The following OSMR variants were observed in gnomAD, a reference collection of about 807,000 sequenced individuals.
OSMR encodes the protein oncostatin-M-specific receptor subunit beta.
In OSMR, 81 loss-of-function variants were observed where a neutral mutation model predicts 99.9. That is an observed-to-expected ratio of 0.81 (90% CI 0.68 to 0.97). The LOEUF is 0.97. OSMR is among the 50% of genes least tolerant of loss of function. The probability of loss-of-function intolerance (pLI) is 0.00; values close to 1 mark genes in which losing one functional copy is unlikely to be tolerated. For missense variants in OSMR, 1,099 were observed against 1,153.4 expected (o/e 0.95, Z 0.68); for synonymous variants, 406 against 410.4 (o/e 0.99, Z 0.13).
intron 1 of OSMR, among the ~76,000 whole-genome samples, chr5:38,860,529 C>A (rs529605693): frequency 3.3e-5 from 5 of 152,008 alleles, no homozygotes; most frequent in African/African-American, 1.2e-4. Context: ...CTATATTTTT[C>A]TTTTTTTGTG....
downstream of OSMR, chr5:38,937,798 C>T (rs887979094): frequency 6.0e-6 from 1 of 167,384 alleles, no homozygotes; most frequent in African/African-American, 2.4e-5. The surrounding 1 kb of genome is among the most constrained non-coding windows in gnomAD (Gnocchi z 4.0). Flanking sequence ...CTCTACATGT[C>T]TGTGGTACCT....
At chr5:38,937,642 T>C (rs1747119909), downstream of OSMR, among the ~76,000 whole-genome samples, 1 of 152,250 alleles carries the variant, frequency 6.6e-6, no homozygotes, top group South Asian at 2.1e-4. The surrounding 1 kb of genome is among the most constrained non-coding windows in gnomAD (Gnocchi z 4.0). Flanking sequence ...ACTCATATTG[T>C]ACATTATTTC....
At chr5:38,868,897 T>C in intron 1 of OSMR, 135 bp from the exon 2 acceptor site, 2 of 1,036,440 alleles carry the variant, frequency 1.9e-6, no homozygotes, top group Non-Finnish European at 2.8e-6. Context: ...TAAAGTACCA[T>C]GACAAGAGGC....
At chr5:38,892,132 A>G (rs970609410) in intron 7 of OSMR, among the ~76,000 whole-genome samples, 1 of 152,166 alleles carries the variant, frequency 6.6e-6, no homozygotes, top group Non-Finnish European at 1.5e-5. Context: ...GATGGGAGGA[A>G]GCAGGAGCAT....
chr5:38,944,802 T>C (rs924977283), intron 2 of OSMR: 1 of 1,085,014 alleles, frequency 9.2e-7, no homozygotes, highest in Non-Finnish European at 1.4e-6. Context: ...AAAATGGACG[T>C]ATTACTGTTT....
intron 7 of OSMR, among the ~76,000 whole-genome samples, chr5:38,897,969 CT>C (rs1454588238): frequency 6.6e-6 from 1 of 152,022 alleles, no homozygotes; most frequent in Non-Finnish European, 1.5e-5. Flanking sequence ...GAGAAGATGC[CT>C]GATATTATTT....
At chr5:38,932,083 C>G in intron 16 of OSMR, 119 bp downstream of exon 16, 1 of 847,226 alleles carries the variant, frequency 1.2e-6, no homozygotes, top group Non-Finnish European at 2.0e-6. Context: ...AGGAAAAGAA[C>G]AAAGGAGGCT....
intron 7 of OSMR, among the ~76,000 whole-genome samples, chr5:38,890,602 C>CTTTTTTTTTTTTTTT (rs58375870): frequency 7.1e-6 from 1 of 140,098 alleles, no homozygotes. Flanking sequence ...AAAGCCCCCT[C>CTTTTTTTTTTTTTTT]TTTTTTTTTT....
chr5:38,917,570 G>C lies in OSMR; in HGVS notation c.1310G>C (p.Trp437Ser). ...EAAPSEAPDV[W>S]RIVSLEPGNH... The stretch of plus-strand genomic sequence containing the variant: ...GCTCCCTCAGAGGCCCCTGATGTCT[G>C]GAGAATTGTGAGCTTGGAGCCAGGA... The change falls in exon 10 of 18, where the codon TGG (tryptophan) becomes TCG (serine). Residue 437 changes from tryptophan to serine, a missense_variant. Trp to Ser is a radical substitution (Grantham distance 177). Transcript: ENST00000274276. 1.2e-6 allele frequency: 2 copies of C among 1,613,690 alleles called. No individual in the cohort carries two copies. Among genetic ancestry groups the C allele is most frequent in the Non-Finnish European group, 1.7e-6 (2 of 1,179,652 alleles).
intron 3 of OSMR, among the ~76,000 whole-genome samples, chr5:38,878,780 A>G (rs1443467725): frequency 1.3e-5 from 2 of 152,266 alleles, no homozygotes; most frequent in Non-Finnish European, 2.9e-5. Context: ...AATGAATTGC[A>G]GTACTTAAGG....
In OSMR at chr5:38,903,948, G is replaced by A. The variant is rs375271373; in HGVS notation, c.1058G>A (p.Trp353Ter). Residue 353 changes from tryptophan (W) to a stop codon, truncating the protein, a stop_gained, in exon 8 of 18, where the codon TGG (tryptophan) becomes TAG (stop). Coordinates refer to ENST00000274276, the MANE Select transcript of OSMR (RefSeq NM_003999.3). LOFTEE classifies it high-confidence loss of function. ...AATGCCACAAATGCCATCATGACCT[G>A]GAAGGTGCACTCCATAAGGAATAAT... ...NVNATNAIMT[W>*]KVHSIRNNFT... 1.8e-5 allele frequency: 29 copies of A among 1,613,718 alleles called. No homozygotes were observed. The highest frequency in any genetic ancestry group is 6.7e-5 in the East Asian group (3 of 44,856).
At chr5:38,874,324 A>G (rs922387533) in intron 2 of OSMR, among the ~76,000 whole-genome samples, 8 of 152,164 alleles carry the variant, frequency 5.3e-5, no homozygotes, top group African/African-American at 1.9e-4. Context: ...CTGAGATTAT[A>G]GTTATCACCC....
chr5:38,861,818 C>T (rs1291242713), intron 1 of OSMR, among the ~76,000 whole-genome samples: 10 of 143,836 alleles, frequency 7.0e-5, no homozygotes, highest in South Asian at 2.2e-4. Flanking sequence ...CCAGTAGGGG[C>T]GGCTGGGCAG....
chr5:38,876,471 T>C (rs357271), intron 3 of OSMR, 98 bp downstream of exon 3: 921,232 of 962,246 alleles, frequency 0.96, 441,175 homozygotes, highest in African/African-American at 0.99. Context: ...GTTTTGGAAA[T>C]ATATTAGCAG....
rs1561416856 is a variant in OSMR at position 38,933,223 on chromosome 5, G to C, written c.2719G>C (p.Glu907Gln). Residue 907 changes from glutamate to glutamine, a missense_variant, in exon 18 of 18, where the codon GAA (glutamate) becomes CAA (glutamine). Coordinates refer to ENST00000274276, the MANE Select transcript of OSMR (RefSeq NM_003999.3). ...LEKNYMNSLGEIPAGETSLNY... is the reference protein window; with the variant it reads ...LEKNYMNSLGQIPAGETSLNY... ...AAAAAACTACATGAACTCCCTGGGAGAAATCCCAGCTGGAGAAACAAGTTT... is the reference window on the plus strand; with the variant it reads ...AAAAAACTACATGAACTCCCTGGGACAAATCCCAGCTGGAGAAACAAGTTT... 5.6e-6 allele frequency: 9 copies of C among 1,614,172 alleles called. No individual in the cohort carries two copies. Among genetic ancestry groups the C allele is most frequent in the Non-Finnish European group, 7.6e-6 (9 of 1,180,018 alleles).
intron 1 of OSMR, among the ~76,000 whole-genome samples, chr5:38,853,026 C>T (rs566717650): frequency 9.2e-5 from 14 of 152,078 alleles, no homozygotes; most frequent in East Asian, 3.9e-4. Flanking sequence ...CCACCGCGCC[C>T]GGCCCTATTG....
At position 38,917,142 on chromosome 5, in the gene OSMR, C is replaced by T. The variant is rs139769323; in HGVS notation, c.1286-404C>T. Among the ~76,000 whole-genome samples the T allele has an allele frequency of 3.4e-3, 517 of 152,228 alleles. 5 individuals carry two copies. Among genetic ancestry groups the T allele is most frequent in the African/African-American group, 0.011 (463 of 41,520 alleles). Reference sequence around the variant, plus strand: ...GAGGAAGAACGCATCCTGCCCCTAGCGGGTTCCCCATCACTGTGTCTCTAT... The same window carrying T: ...GAGGAAGAACGCATCCTGCCCCTAGTGGGTTCCCCATCACTGTGTCTCTAT... On this transcript the variant is annotated intron_variant, in intron 9 of 17. Coordinates refer to ENST00000274276, the MANE Select transcript of OSMR (RefSeq NM_003999.3).
intron 4 of OSMR, among the ~76,000 whole-genome samples, chr5:38,882,202 T>C (rs1447329094): frequency 6.6e-6 from 1 of 152,200 alleles, no homozygotes; most frequent in East Asian, 1.9e-4. Flanking sequence ...TTGTGACTAT[T>C]CAACTCTGCT....
chr5:38,858,625 C>G (rs1023731878), intron 1 of OSMR, among the ~76,000 whole-genome samples: 1 of 152,094 alleles, frequency 6.6e-6, no homozygotes, highest in African/African-American at 2.4e-5. Flanking sequence ...GAATAAATAC[C>G]TAATAGTGGG....
Sources: allele counts gnomAD v4.1 joint callset (sites outside exome capture counted in the v4.1 genomes callset), GRCh38; gene constraint gnomAD v4.1.1; non-coding constraint Gnocchi (gnomAD v3.1); transcripts MANE v1.5; gene names NCBI Gene and HGNC (gene_info 2026-07-23, HGNC 2026-07-21).